The following PDS5B variants were observed in gnomAD, a reference collection of about 807,000 sequenced individuals.
PDS5B encodes the protein sister chromatid cohesion protein PDS5 homolog B.
Under a neutral mutation model 184.1 loss-of-function variants are expected in PDS5B, and 51 were observed. The observed-to-expected ratio is 0.28, with a 90% CI of 0.22 to 0.35. The LOEUF is 0.35. PDS5B is among the 10% of genes least tolerant of loss of function. PDS5B has a pLI of 1.00. For missense variants in PDS5B, 1,180 were observed against 1,723.3 expected (o/e 0.68, Z 5.58); for synonymous variants, 566 against 569.2 (o/e 0.99, Z 0.08).
Position 32,675,929 on chromosome 13 carries a change from A to G in PDS5B, c.932A>G (p.Asn311Ser). 6.2e-7 allele frequency: 1 copy of G among 1,613,714 alleles called. No homozygotes were observed. The highest frequency in any genetic ancestry group is 1.1e-5 in the South Asian group (1 of 91,064). ...GAKDSELASQ[N>S]KPLWQCYLGR... ...AAGGATTCAGAATTGGCTTCTCAAA[A>G]CAAGCCACTTTGGCAGTGCTACTTG... Residue 311 changes from asparagine to serine, a missense_variant, in exon 9 of 35, where the codon AAC becomes AGC. This residue lies in a region of PDS5B where 475 missense variants were observed against 691.5 expected (regional missense o/e 0.69). Coordinates refer to ENST00000315596, the MANE Select transcript of PDS5B (RefSeq NM_015032.4).
At chr13:32,774,993 G>A in intron 34 of PDS5B, 24 bp from the exon 35 acceptor site, 1 of 1,607,680 alleles carries the variant, frequency 6.2e-7, no homozygotes, top group Non-Finnish European at 8.5e-7. Flanking sequence ...TTTTAATTAA[G>A]CATCTGGTGA....
At chr13:32,666,438 A>G (rs1468718316) in intron 6 of PDS5B, among the ~76,000 whole-genome samples, 1 of 152,186 alleles carries the variant, frequency 6.6e-6, no homozygotes, top group Non-Finnish European at 1.5e-5. Flanking sequence ...TTATATTTCA[A>G]AATAGCTAAA....
intron 1 of PDS5B, among the ~76,000 whole-genome samples, chr13:32,607,715 C>T (rs540213829): frequency 2.0e-5 from 3 of 152,146 alleles, no homozygotes; most frequent in East Asian, 1.9e-4. Flanking sequence ...CCACCCAGTT[C>T]GAGCTTCCCG....
chr13:32,655,372 ATATTTTTTT>A (rs1950482566), intron 3 of PDS5B, among the ~76,000 whole-genome samples: 1 of 52,304 alleles, frequency 1.9e-5, no homozygotes, highest in Non-Finnish European at 3.1e-5. Context: ...ATATATATAT[ATATTTTTTT>A]TTTTTTTTTT....
At chr13:32,709,683 A>G (rs1952140591) in intron 18 of PDS5B, among the ~76,000 whole-genome samples, 2 of 152,054 alleles carry the variant, frequency 1.3e-5, no homozygotes, top group Admixed American at 1.3e-4. Context: ...CAAAATCTAA[A>G]TTATTTTGAT....
intron 31 of PDS5B, among the ~76,000 whole-genome samples, chr13:32,765,420 A>C (rs996892644): frequency 6.6e-6 from 1 of 152,206 alleles, no homozygotes; most frequent in Non-Finnish European, 1.5e-5. Context: ...GTTCGAATCT[A>C]CGTGATTAAG....
At chr13:32,720,740 A>G (rs1952644109) in intron 19 of PDS5B, among the ~76,000 whole-genome samples, 1 of 151,944 alleles carries the variant, frequency 6.6e-6, no homozygotes, top group Non-Finnish European at 1.5e-5. Context: ...AGGTCAGCAG[A>G]TAAACATGTG....
chr13:32,673,639 C>G (rs1950992692), intron 8 of PDS5B, among the ~76,000 whole-genome samples: 1 of 152,134 alleles, frequency 6.6e-6, no homozygotes, highest in Non-Finnish European at 1.5e-5. Context: ...GAAGTCTTAG[C>G]TGTACATCAA....
At chr13:32,722,379 C>T (rs1324507253) in intron 19 of PDS5B, among the ~76,000 whole-genome samples, 1 of 151,958 alleles carries the variant, frequency 6.6e-6, no homozygotes, top group East Asian at 1.9e-4. Flanking sequence ...GGAGAGAGAG[C>T]AACTTTTATC....
At chr13:32,646,105 A>G (rs1950215572) in intron 1 of PDS5B, among the ~76,000 whole-genome samples, 1 of 152,074 alleles carries the variant, frequency 6.6e-6, no homozygotes, top group Non-Finnish European at 1.5e-5. Flanking sequence ...CCTGGGCTTA[A>G]GCAGGACTTC....
chr13:32,691,309 G>T (rs1192514694), intron 13 of PDS5B: 1 of 151,894 alleles, frequency 6.6e-6, no homozygotes, highest in Non-Finnish European at 1.5e-5. Flanking sequence ...CCAAGATTCA[G>T]TCATAATATT....
At chr13:32,717,997 G>A (rs901063226) in intron 19 of PDS5B, among the ~76,000 whole-genome samples, 3 of 145,312 alleles carry the variant, frequency 2.1e-5, no homozygotes, top group African/African-American at 5.1e-5. Flanking sequence ...ATAATAAAGC[G>A]AGAATATATT....
At chr13:32,770,018 A>C (rs1954723156) in intron 31 of PDS5B, 103 bp from the exon 32 acceptor site, 1 of 905,282 alleles carries the variant, frequency 1.1e-6, no homozygotes, top group South Asian at 1.8e-5. Flanking sequence ...TTTTAGGTAC[A>C]TATCTAGGAC....
intron 1 of PDS5B, among the ~76,000 whole-genome samples, chr13:32,647,641 G>T (rs1950260708): frequency 1.3e-5 from 2 of 151,908 alleles, no homozygotes; most frequent in South Asian, 4.2e-4. Context: ...TTCAGTAATT[G>T]TATTTTTTCA....
rs58328470 is a variant in PDS5B at position 32,626,610 on chromosome 13, G to GTTTT, written c.-19-22137_-19-22134dup. Among the ~76,000 whole-genome samples the GTTTT allele has an allele frequency of 5.8e-3, 863 of 148,320 alleles. 12 individuals carry two copies. Among genetic ancestry groups the GTTTT allele is most frequent in the African/African-American group, 0.02 (812 of 40,640 alleles). ...TTTTTGACATGTTTTCAGTCTTGCT[G>GTTTT]TTTTTTTTTTATTTTCTTTGCCTTG... On this transcript the variant is annotated intron_variant, in intron 1 of 34. Transcript: ENST00000315596.
intron 12 of PDS5B, 101 bp downstream of exon 12, chr13:32,687,386 C>G: frequency 1.1e-6 from 1 of 883,812 alleles, no homozygotes; most frequent in South Asian, 2.0e-5. Flanking sequence ...ACACTCCTTC[C>G]TCAGTTTTTA....
intron 1 of PDS5B, among the ~76,000 whole-genome samples, chr13:32,619,460 A>T (rs1280476600): frequency 6.6e-6 from 1 of 152,206 alleles, no homozygotes; most frequent in Non-Finnish European, 1.5e-5. Context: ...TATGATGGAT[A>T]AAAAATGTAG....
intron 19 of PDS5B, among the ~76,000 whole-genome samples, chr13:32,724,100 T>C (rs1279608517): frequency 1.3e-5 from 2 of 152,156 alleles, no homozygotes; most frequent in African/African-American, 4.8e-5. Flanking sequence ...GTCCAATTGG[T>C]TTTCTCAAAA....
At chr13:32,609,429 GTAAT>G (rs1479458500) in intron 1 of PDS5B, among the ~76,000 whole-genome samples, 3 of 152,048 alleles carry the variant, frequency 2.0e-5, no homozygotes, top group Admixed American at 2.0e-4. Flanking sequence ...GTTGTTATCT[GTAAT>G]TACCTTCTTC....
Sources: gnomAD v4.1 joint callset for allele counts (sites outside exome capture counted in the v4.1 genomes callset) on GRCh38, gnomAD v4.1.1 for gene constraint, gnomAD v4.1.1 regional missense constraint, MANE v1.5 for transcripts, NCBI Gene and HGNC (gene_info 2026-07-23, HGNC 2026-07-21) for gene names.